The following ST3GAL2 variants were observed in gnomAD, a reference collection of about 807,000 sequenced individuals.
ST3GAL2 encodes the protein CMP-N-acetylneuraminate-beta-galactosamide-alpha-2,3-sialyltransferase 2.
Under a neutral mutation model 37.5 loss-of-function variants are expected in ST3GAL2, and 16 were observed. The ratio of observed to expected loss-of-function variants is 0.43; its 90% CI spans 0.29 to 0.65. The LOEUF is 0.65. Ranked by LOEUF, ST3GAL2 falls within the 30% of genes least tolerant of loss-of-function variation. The pLI, the probability that ST3GAL2 is intolerant of heterozygous loss-of-function variation, is 0.17. For synonymous variants in ST3GAL2, 238 were observed against 202.9 expected, an observed-to-expected ratio of 1.17 and a Z score of -1.47; for missense variants, 383 against 487.8, an observed-to-expected ratio of 0.79 and a Z score of 2.02.
intron 1 of ST3GAL2, among the ~76,000 whole-genome samples, chr16:70,416,071 C>G (rs1020611022): frequency 6.6e-6 from 1 of 152,108 alleles, no homozygotes; most frequent in African/African-American, 2.4e-5. Context: ...CCACCGAGCC[C>G]AGCTTCCAAG....
chr16:70,438,634 G>A (rs1263869801), intron 1 of ST3GAL2, among the ~76,000 whole-genome samples: 1 of 148,020 alleles, frequency 6.8e-6, no homozygotes, highest in Non-Finnish European at 1.5e-5. Context: ...GACCAGGGCA[G>A]AGAGCTCTTC....
intron 1 of ST3GAL2, among the ~76,000 whole-genome samples, chr16:70,408,188 G>A (rs2047606805): frequency 1.3e-5 from 2 of 152,166 alleles, no homozygotes; most frequent in Admixed American, 1.3e-4. Context: ...CCAGGCGGAA[G>A]TGAAGATGCT....
At chr16:70,403,674 G>A (rs1243279596) in intron 1 of ST3GAL2, among the ~76,000 whole-genome samples, 3 of 152,094 alleles carry the variant, frequency 2.0e-5, no homozygotes, top group East Asian at 3.9e-4. Context: ...TTAGCTGGGC[G>A]TGGTGGTGGG....
chr16:70,383,498 G>C (rs578262388), intron 4 of ST3GAL2, among the ~76,000 whole-genome samples: 3 of 145,162 alleles, frequency 2.1e-5, no homozygotes, highest in Non-Finnish European at 4.5e-5. Flanking sequence ...GTTTCAGTGC[G>C]CCGAGATCAC....
At chr16:70,404,661 C>T (rs969034320) in intron 1 of ST3GAL2, among the ~76,000 whole-genome samples, 3 of 152,124 alleles carry the variant, frequency 2.0e-5, no homozygotes, top group African/African-American at 4.8e-5. Context: ...ATTAAATATA[C>T]AGTCACCATA....
chr16:70,399,676 C>G, intron 1 of ST3GAL2, 143 bp from the exon 2 acceptor site: 1 of 376,788 alleles, frequency 2.7e-6, no homozygotes, highest in Non-Finnish European at 4.7e-6. Flanking sequence ...GGGCTCTGCC[C>G]TCTAGCTGCA....
intron 1 of ST3GAL2, among the ~76,000 whole-genome samples, chr16:70,406,707 G>T (rs2047594688): frequency 6.6e-6 from 1 of 152,104 alleles, no homozygotes; most frequent in South Asian, 2.1e-4. Context: ...CTTGAACCTG[G>T]GAGGTGGAGG....
intron 6 of ST3GAL2, 115 bp from the exon 7 acceptor site, chr16:70,381,977 C>T: frequency 7.3e-7 from 1 of 1,373,182 alleles, no homozygotes. Flanking sequence ...GATGCAGGAG[C>T]CCCCAGGCCT....
intron 1 of ST3GAL2, among the ~76,000 whole-genome samples, chr16:70,429,298 G>A (rs1171613048): frequency 6.6e-6 from 1 of 152,174 alleles, no homozygotes; most frequent in Non-Finnish European, 1.5e-5. Context: ...GATGGCTGAA[G>A]AATGAATCCC....
chr16:70,414,936 C>T (rs556986541), intron 1 of ST3GAL2, among the ~76,000 whole-genome samples: 1 of 151,948 alleles, frequency 6.6e-6, no homozygotes, highest in Non-Finnish European at 1.5e-5. Flanking sequence ...TGCAGTGGCA[C>T]GATCTCGGCT....
rs994242270 is a variant in ST3GAL2 at position 70,379,373 on chromosome 16, A to G, written c.*2316T>C. On this transcript the variant is annotated 3_prime_UTR_variant, in exon 7 of 7. Coordinates refer to ENST00000342907, the MANE Select transcript of ST3GAL2 (RefSeq NM_006927.4). ...AGTCCAGGAATGAGGTGCCTCCTGT[A>G]TAGGTGGGGGAGGGTATCTGGGAGT... 3 of 152,178 alleles carry G rather than the reference A, an allele frequency of 2.0e-5. No homozygotes were observed. Among genetic ancestry groups the G allele is most frequent in the Admixed American group, 2.0e-4 (3 of 15,256 alleles). The allele number at this position is 152,178 out of a possible 1,614,324, so 9.4% of individuals were successfully genotyped here.
chr16:70,425,472 A>C lies in ST3GAL2; in HGVS notation c.-1004+13477T>G, dbSNP rs912458630. On this transcript the variant is annotated intron_variant, in intron 1 of 6. Coordinates refer to ENST00000342907, the MANE Select transcript of ST3GAL2 (RefSeq NM_006927.4). Reference sequence around the variant, plus strand: ...GTGAGACTCCGTCTCAGGACAAAAAAAAAACAGTGATATATTGAGGTAGTG... The same window carrying C: ...GTGAGACTCCGTCTCAGGACAAAAACAAAACAGTGATATATTGAGGTAGTG... Among the ~76,000 whole-genome samples the C allele has an allele frequency of 2.6e-5, 4 of 152,160 alleles. No individual in the cohort carries two copies. In the South Asian group the frequency reaches 6.2e-4, roughly 24 times the overall value.
chr16:70,421,866 T>C (rs939050709), intron 1 of ST3GAL2, among the ~76,000 whole-genome samples: 1 of 144,320 alleles, frequency 6.9e-6, no homozygotes, highest in African/African-American at 2.9e-5. Context: ...CATAGGGCCA[T>C]TGTGAGGCTA....
Position 70,383,185 on chromosome 16 carries a change from C to G in ST3GAL2, c.759+5G>C. On this transcript the variant is annotated splice_donor_5th_base_variant and intron_variant, in intron 5 of 6. Transcript: ENST00000342907. ...ACTGAGGTGGGGAAGAAGTGGGGAG[C>G]TTACCTTTTCTTTATCCACTCGAAG... is the stretch of plus-strand genomic sequence containing the variant. The G allele has an allele frequency of 6.2e-7, 1 of 1,612,118 alleles. No individual in the cohort carries two copies.
chr16:70,398,583 G>T lies in ST3GAL2; in HGVS notation c.-53C>A. On this transcript the variant is annotated 5_prime_UTR_variant, in exon 2 of 7. Coordinates refer to ENST00000342907, the MANE Select transcript of ST3GAL2 (RefSeq NM_006927.4). The stretch of plus-strand genomic sequence containing the variant: ...GTGGCCACTCTTTTCCCAGCCCGCT[G>T]AGGGGCCAGCCACGGCGTAGCCTGC... 1 of 1,504,802 alleles carries T rather than the reference G, an allele frequency of 6.6e-7. No homozygotes were observed. The allele number at this position is 1,504,802 out of a possible 1,614,324, so 93.2% of individuals were successfully genotyped here. A position where few individuals can be genotyped will look rare whatever the true frequency, so the allele number is the denominator to read the frequency against.
chr16:70,394,129 A>C (rs1453149544), intron 3 of ST3GAL2, among the ~76,000 whole-genome samples: 2 of 152,150 alleles, frequency 1.3e-5, no homozygotes, highest in Non-Finnish European at 2.9e-5. Context: ...CCTTCATTGC[A>C]GAGTCTCGGT....
rs2047506036 is a variant in ST3GAL2 at position 70,395,034 on chromosome 16, G to C, written c.481C>G (p.Leu161Val). ...RCAVVGNSGN[L>V]RGSGYGQDVD... ...TCCTGCCCATAGCCAGAGCCCCGCA[G>C]GTTGCCCGAGTTCCCCACCACGGCA... Residue 161 changes from leucine to valine, a missense_variant, in exon 3 of 7, where the codon CTG (leucine) becomes GTG (valine). Around this residue, in one of 2 missense-constraint regions of ST3GAL2, gnomAD observed 223 missense variants for 239.1 expected, o/e 0.93. Coordinates refer to ENST00000342907, the MANE Select transcript of ST3GAL2 (RefSeq NM_006927.4). 1 of 1,613,822 alleles carries C rather than the reference G, an allele frequency of 6.2e-7. No homozygotes were observed. The highest frequency in any genetic ancestry group is 1.3e-5 in the African/African-American group (1 of 74,950).
intron 1 of ST3GAL2, among the ~76,000 whole-genome samples, chr16:70,413,748 T>TAATA (rs56300235): frequency 0.11 from 16,220 of 145,326 alleles, 1,288 homozygotes; most frequent in African/African-American, 0.21. Context: ...AAAAAGAAAA[T>TAATA]AATAAATAAA....
intron 1 of ST3GAL2, among the ~76,000 whole-genome samples, chr16:70,408,890 C>CAAAACAAAAAA (rs2047613111): frequency 1.7e-5 from 1 of 59,864 alleles, no homozygotes; most frequent in African/African-American, 5.2e-5. Flanking sequence ...CTCAAAGAAA[C>CAAAACAAAAAA]AAAAAAAAAA....
Sources: allele counts gnomAD v4.1 joint callset (sites outside exome capture counted in the v4.1 genomes callset), GRCh38; gene constraint gnomAD v4.1.1; regional missense constraint gnomAD v4.1.1; transcripts MANE v1.5; gene names NCBI Gene and HGNC (gene_info 2026-07-23, HGNC 2026-07-21).